The following C1QTNF1 variants were observed in gnomAD, a reference collection of about 807,000 sequenced individuals.
The protein encoded by C1QTNF1 is C1q and TNF related 1, also known as complement C1q tumor necrosis factor-related protein 1.
A neutral mutation model predicts 27.8 loss-of-function variants in C1QTNF1; 22 were observed. The observed-to-expected ratio is 0.79, with a 90% CI of 0.56 to 1.13. The LOEUF (loss-of-function observed/expected upper bound fraction) is 1.13, where lower values mean the gene tolerates loss of function less well. Among genes scored for constraint, C1QTNF1 ranks in the 50% most tolerant of loss-of-function variants. The pLI is 0.00. For synonymous variants in C1QTNF1, 166 were observed against 154.3 expected, an observed-to-expected ratio of 1.08 and a Z score of -0.56; for missense variants, 373 against 380.2, an observed-to-expected ratio of 0.98 and a Z score of 0.16.
upstream of C1QTNF1, among the ~76,000 whole-genome samples, chr17:79,023,795 G>T (rs2071838907): frequency 6.6e-6 from 1 of 152,042 alleles, no homozygotes; most frequent in South Asian, 2.1e-4. Context: ...CTGAGTCCCC[G>T]ATAATGCACA....
At chr17:79,040,767 G>A (rs1157898217) in intron 1 of C1QTNF1, among the ~76,000 whole-genome samples, 1 of 151,186 alleles carries the variant, frequency 6.6e-6, no homozygotes, top group East Asian at 1.9e-4. Flanking sequence ...AGCTGGGTGT[G>A]GTAGTGCATA....
chr17:79,025,439 C>T (rs117876483), intron 1 of C1QTNF1, among the ~76,000 whole-genome samples: 1 of 152,082 alleles, frequency 6.6e-6, no homozygotes, highest in South Asian at 2.1e-4. Context: ...TCTACCCCAC[C>T]TAGTTTCTAG....
chr17:79,023,287 A>G (rs987725311), upstream of C1QTNF1, among the ~76,000 whole-genome samples: 18 of 152,206 alleles, frequency 1.2e-4, no homozygotes, highest in Non-Finnish European at 2.2e-4. Context: ...TGCTGTTATC[A>G]TCAGAGCTGG....
At chr17:79,039,093 C>T (rs1020080323) in intron 1 of C1QTNF1, among the ~76,000 whole-genome samples, 36 of 151,362 alleles carry the variant, frequency 2.4e-4, no homozygotes, top group Admixed American at 2.0e-3. Context: ...GACCCCGTCT[C>T]TTCTGACCAA....
intron 1 of C1QTNF1, among the ~76,000 whole-genome samples, chr17:79,037,592 G>T (rs2072293606): frequency 6.6e-6 from 1 of 152,066 alleles, no homozygotes; most frequent in African/African-American, 2.4e-5. Flanking sequence ...CAAATATAAG[G>T]AATGGTGAAC....
intron 1 of C1QTNF1, among the ~76,000 whole-genome samples, chr17:79,029,770 G>A (rs1408233967): frequency 5.9e-5 from 9 of 152,132 alleles, no homozygotes; most frequent in Admixed American, 3.9e-4. Flanking sequence ...TCTCTGGCTC[G>A]CCTAATTCCA....
Position 79,031,300 on chromosome 17 carries a change from C to T in C1QTNF1, c.-15+6806C>T, listed in dbSNP as rs543388721. ...GATTACAGGCGTGAGCCACCGTGCC[C>T]AGCCCATATTATTTCTTTAAATGTC... On this transcript the variant is annotated intron_variant, in intron 1 of 3. Transcript: ENST00000579760. 2.6e-5 allele frequency among the ~76,000 whole-genome samples: 4 copies of T among 152,174 alleles called. No individual in the cohort carries two copies. The East Asian group carries it at 7.7e-4, about 29-fold the overall frequency.
chr17:79,025,900 TCAC>T (rs1386214018), intron 1 of C1QTNF1: 1 of 434,584 alleles, frequency 2.3e-6, no homozygotes. Flanking sequence ...ATCATCATCA[TCAC>T]CATCATCATC....
rs2072659073 is a variant in C1QTNF1 at position 79,048,324 on chromosome 17, G to T, written c.*236G>T. On this transcript the variant is annotated 3_prime_UTR_variant, in exon 4 of 4. Coordinates refer to ENST00000579760, the MANE Select transcript of C1QTNF1 (RefSeq NM_030968.5). Reference sequence around the variant, plus strand: ...CCGCGAGAACCCTCTGGGACCTTCCGCGGCCCTCTCTGCACACATCCTCAA... The same window carrying T: ...CCGCGAGAACCCTCTGGGACCTTCCTCGGCCCTCTCTGCACACATCCTCAA... The T allele has an allele frequency of 7.8e-6, 4 of 511,828 alleles. No individual in the cohort carries two copies. The highest frequency in any genetic ancestry group is 3.7e-5 in the Admixed American group (1 of 26,802). The allele number at this position is 511,828 out of a possible 1,614,324, so 31.7% of individuals were successfully genotyped here. A position where few individuals can be genotyped will look rare whatever the true frequency, so the allele number is the denominator to read the frequency against.
rs529486560 is a variant in C1QTNF1 at position 79,048,217 on chromosome 17, G to C, written c.*129G>C. The C allele has an allele frequency of 1.4e-4, 126 of 909,936 alleles. No homozygotes were observed. In the African/African-American group the frequency reaches 1.8e-3, roughly 13 times the overall value. 56.4% of individuals were successfully genotyped at this position (909,936 alleles called of 1,614,324 possible). A position where few individuals can be genotyped will look rare whatever the true frequency, so the allele number is the denominator to read the frequency against. On this transcript the variant is annotated 3_prime_UTR_variant, in exon 4 of 4. Transcript: ENST00000579760. The stretch of plus-strand genomic sequence containing the variant: ...TTCAGTGAGACGCCCTGCACACACA[G>C]AAAGCCAAAGCGATCGGTGCTCCCA...
Position 79,049,747 on chromosome 17 carries a change from C to G in C1QTNF1, c.*1659C>G, listed in dbSNP as rs1458516213. Reference sequence around the variant, plus strand: ...ACACTCGCTGCTTAAGCTCCCCCAGCTCTTTCCAGAAAACATTAAACTCAG... The same window carrying G: ...ACACTCGCTGCTTAAGCTCCCCCAGGTCTTTCCAGAAAACATTAAACTCAG... On this transcript the variant is annotated 3_prime_UTR_variant, in exon 4 of 4. Transcript: ENST00000579760. This position sits in a 1 kb window ranked among gnomAD's most constrained non-coding sequence, Gnocchi z 4.4. 6.6e-6 allele frequency: 1 copy of G among 152,310 alleles called. No homozygotes were observed. The highest frequency in any genetic ancestry group is 1.5e-5 in the Non-Finnish European group (1 of 68,072). The allele number at this position is 152,310 out of a possible 1,614,324, so 9.4% of individuals were successfully genotyped here. A position where few individuals can be genotyped will look rare whatever the true frequency, so the allele number is the denominator to read the frequency against.
At chr17:79,027,904 A>C (rs1011655582) in intron 1 of C1QTNF1, among the ~76,000 whole-genome samples, 5 of 152,208 alleles carry the variant, frequency 3.3e-5, no homozygotes, top group Non-Finnish European at 1.5e-5. Context: ...GGACCCCCAC[A>C]GTCCCCACTG....
Position 79,046,738 on chromosome 17 carries a change from T to C in C1QTNF1, c.295+44T>C, listed in dbSNP as rs1353354295. ...CAAGCACGGGGTGGCCGGGCTGCTC[T>C]GTGCTGATCCGGAGGAAGGGATGGA... On this transcript the variant is annotated intron_variant, in intron 3 of 3. Coordinates refer to ENST00000579760, the MANE Select transcript of C1QTNF1 (RefSeq NM_030968.5). This position sits in a 1 kb window ranked among gnomAD's most constrained non-coding sequence, Gnocchi z 4.8. The C allele has an allele frequency of 1.2e-6, 2 of 1,610,502 alleles. No individual in the cohort carries two copies. Among genetic ancestry groups the C allele is most frequent in the Admixed American group, 3.3e-5 (2 of 59,876 alleles).
chr17:79,032,290 T>A (rs1289149432), intron 1 of C1QTNF1, among the ~76,000 whole-genome samples: 2 of 152,062 alleles, frequency 1.3e-5, no homozygotes, highest in African/African-American at 2.4e-5. Flanking sequence ...GAAACAGGCA[T>A]CCAGACAGAG....
intron 2 of C1QTNF1, among the ~76,000 whole-genome samples, 177 bp downstream of exon 2, chr17:79,044,300 A>AGT (rs2072509131): frequency 6.6e-6 from 1 of 152,166 alleles, no homozygotes; most frequent in Non-Finnish European, 1.5e-5. Flanking sequence ...TCCTCCTTTC[A>AGT]GTGGCTTGGG....
chr17:79,046,776 G>C lies in C1QTNF1; in HGVS notation c.295+82G>C. ...AGGAAGGGATGGAGTCGTTAGGGTG[G>C]GGCTAGGCGAGAGCAGAATGGCTCC... On this transcript the variant is annotated intron_variant, in intron 3 of 3. Transcript: ENST00000579760. This position sits in a 1 kb window ranked among gnomAD's most constrained non-coding sequence, Gnocchi z 4.8. 1 of 1,560,748 alleles carries C rather than the reference G, an allele frequency of 6.4e-7. No individual in the cohort carries two copies. The highest frequency in any genetic ancestry group is 8.7e-7 in the Non-Finnish European group (1 of 1,143,990).
At chr17:79,043,534 G>C (rs2072478350) in intron 1 of C1QTNF1, 3 of 438,290 alleles carry the variant, frequency 6.8e-6, no homozygotes, top group Non-Finnish European at 9.2e-6. Context: ...ATGTGTGTAG[G>C]TTTCATTGTT....
In C1QTNF1 at chr17:79,047,820, A is replaced by C; in HGVS notation, c.578A>C (p.Tyr193Ser). Residue 193 changes from tyrosine to serine, a missense_variant, in exon 4 of 4, where the codon TAC becomes TCC. Physicochemically the swap from Tyr to Ser is moderately radical, Grantham distance 144 (BLOSUM62 -2). Transcript: ENST00000579760. ...GKFYCYVPGL[Y>S]FFSLNVHTWN... ...TTCTACTGCTACGTGCCCGGCCTCTACTTCTTCAGCCTCAACGTGCACACC... is the reference window on the plus strand; with the variant it reads ...TTCTACTGCTACGTGCCCGGCCTCTCCTTCTTCAGCCTCAACGTGCACACC... 6.2e-7 allele frequency: 1 copy of C among 1,614,126 alleles called. No individual in the cohort carries two copies. Among genetic ancestry groups the C allele is most frequent in the Non-Finnish European group, 8.5e-7 (1 of 1,180,024 alleles).
intron 1 of C1QTNF1, among the ~76,000 whole-genome samples, chr17:79,034,864 G>A (rs1224918713): frequency 6.6e-6 from 1 of 152,192 alleles, no homozygotes; most frequent in Non-Finnish European, 1.5e-5. Context: ...CATCTCTCAG[G>A]AAAAGGGGCT....
Sources: allele counts gnomAD v4.1 joint callset (sites outside exome capture counted in the v4.1 genomes callset), GRCh38; gene constraint gnomAD v4.1.1; non-coding constraint Gnocchi (gnomAD v3.1); transcripts MANE v1.5; gene names NCBI Gene and HGNC (gene_info 2026-07-23, HGNC 2026-07-21).